The following BTBD10 variants were observed in gnomAD, a reference collection of about 807,000 sequenced individuals.
BTBD10 encodes the protein BTB/POZ domain-containing protein 10.
In BTBD10, 21 loss-of-function variants were observed where a neutral mutation model predicts 53.2. That is an observed-to-expected ratio of 0.39 (90% CI 0.28 to 0.57). The LOEUF (loss-of-function observed/expected upper bound fraction) is 0.57. Among genes scored for constraint, BTBD10 ranks in the 20% least tolerant of loss-of-function variants. BTBD10 has a pLI of 0.53. For missense variants in BTBD10, 360 were observed against 594.7 expected, an observed-to-expected ratio of 0.61 and a Z score of 4.10; for synonymous variants, 149 against 192.7, an observed-to-expected ratio of 0.77 and a Z score of 1.88.
At chr11:13,448,056 G>A (rs1054929029) in intron 1 of BTBD10, among the ~76,000 whole-genome samples, 6 of 152,042 alleles carry the variant, frequency 3.9e-5, no homozygotes. Context: ...ACCATCCTCT[G>A]TGCCATTCTC....
intron 2 of BTBD10, 126 bp from the exon 3 acceptor site, chr11:13,421,964 T>A: frequency 1.4e-6 from 1 of 715,272 alleles, no homozygotes; most frequent in South Asian, 2.7e-5. Context: ...TACTTTCTAA[T>A]TCTGAAACCT....
intron 2 of BTBD10, chr11:13,439,868 A>G (rs1488252301): frequency 9.3e-6 from 14 of 1,506,358 alleles, no homozygotes; most frequent in Non-Finnish European, 1.2e-5. Context: ...ATATCATGTA[A>G]TAAATGAATA....
intron 8 of BTBD10, among the ~76,000 whole-genome samples, chr11:13,390,162 C>A (rs1949369486): frequency 6.6e-6 from 1 of 152,082 alleles, no homozygotes; most frequent in African/African-American, 2.4e-5. Context: ...CTATTATAGA[C>A]CCCTTCCCTC....
chr11:13,392,456 AG>A (rs1466345976), intron 8 of BTBD10, among the ~76,000 whole-genome samples: 2 of 152,168 alleles, frequency 1.3e-5, no homozygotes, highest in Non-Finnish European at 2.9e-5. Context: ...AAATAGCTGG[AG>A]GTAACATTAG....
chr11:13,426,669 ATGTATAC>A (rs1950345187), intron 2 of BTBD10, among the ~76,000 whole-genome samples: 1 of 152,164 alleles, frequency 6.6e-6, no homozygotes, highest in African/African-American at 2.4e-5. Context: ...TAAGTTAAAG[ATGTATAC>A]TGTTAATACT....
intron 2 of BTBD10, among the ~76,000 whole-genome samples, chr11:13,427,482 C>A (rs1357916644): frequency 6.6e-6 from 1 of 152,066 alleles, no homozygotes; most frequent in East Asian, 1.9e-4. Flanking sequence ...ATACAGGAAG[C>A]AAAAACTGAT....
intron 8 of BTBD10, among the ~76,000 whole-genome samples, chr11:13,396,406 G>A (rs7127449): frequency 0.46 from 70,119 of 151,994 alleles, 17,155 homozygotes; most frequent in South Asian, 0.62. Context: ...CTGAGACTTT[G>A]CTGAAGTTGC....
intron 1 of BTBD10, 81 bp from the exon 2 acceptor site, chr11:13,445,262 A>G: frequency 2.0e-6 from 1 of 490,240 alleles, no homozygotes; most frequent in Non-Finnish European, 3.6e-6. Flanking sequence ...ACTTGATATT[A>G]TTGTGACATA....
intron 2 of BTBD10, among the ~76,000 whole-genome samples, chr11:13,425,424 T>G (rs1276651780): frequency 1.3e-5 from 2 of 151,614 alleles, no homozygotes; most frequent in Non-Finnish European, 2.9e-5. Flanking sequence ...TGGCATCCAA[T>G]CAAAAATTAT....
chr11:13,450,411 G>C (rs1402378329), intron 1 of BTBD10, among the ~76,000 whole-genome samples: 1 of 152,152 alleles, frequency 6.6e-6, no homozygotes, highest in Non-Finnish European at 1.5e-5. Flanking sequence ...CTTCAGAGGG[G>C]CCTACATGGA....
At chr11:13,432,756 A>G (rs1007229943) in intron 2 of BTBD10, among the ~76,000 whole-genome samples, 1 of 152,064 alleles carries the variant, frequency 6.6e-6, no homozygotes, top group Admixed American at 6.6e-5. Context: ...CAAAGTTACT[A>G]GAAGGGTTGA....
Position 13,419,608 on chromosome 11 carries a change from C to A in BTBD10, c.436G>T (p.Ala146Ser). Reference protein sequence around the residue: ...QSSSDGSCKTAGEMVFVYENA... With the variant: ...QSSSDGSCKTSGEMVFVYENA... ...TCATATACAAACACCATCTCCCCAG[C>A]TGTCTTACAGCTACCATCTGAACTT... Residue 146 changes from alanine to serine, a missense_variant, in exon 4 of 9, where the codon GCT becomes TCT. By Grantham distance (99) the Ala-to-Ser change is moderately conservative. Around this residue, in one of 6 missense-constraint regions of BTBD10, gnomAD observed 109 missense variants for 118.6 expected, o/e 0.92. Coordinates refer to ENST00000278174, the MANE Select transcript of BTBD10 (RefSeq NM_032320.7). 1 of 1,614,124 alleles carries A rather than the reference C, an allele frequency of 6.2e-7. No homozygotes were observed. Among genetic ancestry groups the A allele is most frequent in the Non-Finnish European group, 8.5e-7 (1 of 1,179,990 alleles).
At chr11:13,421,535 G>C in intron 3 of BTBD10, 107 bp downstream of exon 3, 1 of 929,864 alleles carries the variant, frequency 1.1e-6, no homozygotes, top group Non-Finnish European at 1.5e-6. Flanking sequence ...AATAGAAGCA[G>C]CTAATTTTAC....
chr11:13,434,277 T>C (rs117976244), intron 2 of BTBD10, among the ~76,000 whole-genome samples: 1,561 of 152,106 alleles, frequency 0.01, 96 homozygotes, highest in Admixed American at 0.082. Context: ...TACTAACATA[T>C]GGTGATAAAT....
At chr11:13,424,293 TAAAA>T (rs536532488) in intron 2 of BTBD10, among the ~76,000 whole-genome samples, 246 of 152,240 alleles carry the variant, frequency 1.6e-3, no homozygotes, top group Non-Finnish European at 2.6e-3. Flanking sequence ...ACTGAGTAAT[TAAAA>T]AAGCGTTTTC....
chr11:13,421,136 A>G (rs541891014), intron 3 of BTBD10, among the ~76,000 whole-genome samples: 154 of 152,248 alleles, frequency 1.0e-3, no homozygotes, highest in African/African-American at 3.5e-3. Context: ...ACTAATGTTC[A>G]TTTATAATAC....
At chr11:13,460,582 C>T (rs1215608170) in intron 1 of BTBD10, among the ~76,000 whole-genome samples, 2 of 152,174 alleles carry the variant, frequency 1.3e-5, no homozygotes, top group Non-Finnish European at 2.9e-5. Flanking sequence ...ATTAATATAC[C>T]TATCCTTCTT....
chr11:13,452,775 TGAA>T (rs1407850064), intron 1 of BTBD10, among the ~76,000 whole-genome samples: 2 of 152,184 alleles, frequency 1.3e-5, no homozygotes, highest in African/African-American at 4.8e-5. Flanking sequence ...AAACGTGAAA[TGAA>T]GAAAATAACA....
chr11:13,397,272 G>C (rs1949578869), intron 8 of BTBD10, among the ~76,000 whole-genome samples: 1 of 152,220 alleles, frequency 6.6e-6, no homozygotes. Context: ...AGTCTTGGGA[G>C]AGTGTATGTG....
Sources: gnomAD v4.1 joint callset for allele counts (sites outside exome capture counted in the v4.1 genomes callset) on GRCh38, gnomAD v4.1.1 for gene constraint, gnomAD v4.1.1 regional missense constraint, MANE v1.5 for transcripts, NCBI Gene and HGNC (gene_info 2026-07-23, HGNC 2026-07-21) for gene names.